BCAR3: variants seen among roughly 807,000 people sequenced by gnomAD.
The protein encoded by BCAR3 is breast cancer anti-estrogen resistance protein 3.
Under a neutral mutation model 80.1 loss-of-function variants are expected in BCAR3, and 37 were observed. The ratio of observed to expected loss-of-function variants is 0.46; its 90% confidence interval spans 0.36 to 0.61. BCAR3 has a LOEUF of 0.61. Ranked by LOEUF, BCAR3 falls within the 20% of genes least tolerant of loss-of-function variation. BCAR3 has a pLI of 0.00. For synonymous variants in BCAR3, 389 were observed against 418.9 expected (o/e 0.93, Z 0.87); for missense variants, 978 against 1,068.2 (o/e 0.92, Z 1.18).
chr1:93,655,980 C>T (rs753004684), intron 2 of BCAR3, among the ~76,000 whole-genome samples: 3 of 152,200 alleles, frequency 2.0e-5, no homozygotes, highest in Non-Finnish European at 2.9e-5. Flanking sequence ...TTTCCTTCTT[C>T]GTGCAGGACA....
chr1:93,786,723 T>C (rs1280856970), intron 2 of BCAR3, among the ~76,000 whole-genome samples: 1 of 152,174 alleles, frequency 6.6e-6, no homozygotes, highest in African/African-American at 2.4e-5. Flanking sequence ...GGTGTTTTCC[T>C]TCCAGGTTTC....
intron 3 of BCAR3, among the ~76,000 whole-genome samples, chr1:93,637,445 G>A (rs1204144784): frequency 4.6e-5 from 7 of 152,126 alleles, no homozygotes; most frequent in South Asian, 2.1e-4. Context: ...ATGAGCCATC[G>A]CACCCAGAGG....
At chr1:93,763,538 T>C (rs1331950652) in intron 2 of BCAR3, among the ~76,000 whole-genome samples, 1 of 152,216 alleles carries the variant, frequency 6.6e-6, no homozygotes, top group Non-Finnish European at 1.5e-5. Flanking sequence ...GTCATACAAC[T>C]AGTGACAGAG....
At chr1:93,830,185 G>A (rs922593101) in intron 2 of BCAR3, among the ~76,000 whole-genome samples, 3 of 152,150 alleles carry the variant, frequency 2.0e-5, no homozygotes, top group Admixed American at 6.5e-5. Flanking sequence ...CAGTTTGGCC[G>A]GGTGTGGTGG....
At chr1:93,845,499 T>TCGTGTTGTC (rs1212203497) in intron 2 of BCAR3, 1 of 11,596 alleles carries the variant, frequency 8.6e-5, no homozygotes, top group Non-Finnish European at 1.3e-4. Context: ...TATATATATA[T>TCGTGTTGTC]ATAAAACTTT....
At chr1:93,723,658 GAAC>G (rs1650484923) in intron 2 of BCAR3, 1 of 152,194 alleles carries the variant, frequency 6.6e-6, no homozygotes, top group African/African-American at 2.4e-5. Flanking sequence ...GGAGCCTCAG[GAAC>G]AACAAGACTT....
chr1:93,688,550 C>CGT (rs1344205734), intron 3 of BCAR3, among the ~76,000 whole-genome samples: 1 of 151,840 alleles, frequency 6.6e-6, no homozygotes, highest in African/African-American at 2.4e-5. Flanking sequence ...TTACAGTAAG[C>CGT]GTGTGTGTGT....
intron 3 of BCAR3, among the ~76,000 whole-genome samples, chr1:93,638,648 C>T (rs893799100): frequency 2.6e-5 from 4 of 152,048 alleles, no homozygotes; most frequent in East Asian, 3.9e-4. Flanking sequence ...CAGAGCTGTA[C>T]GCCAGGAACC....
chr1:93,821,562 A>C, intron 2 of BCAR3, among the ~76,000 whole-genome samples: 1 of 152,226 alleles, frequency 6.6e-6, no homozygotes, highest in East Asian at 1.9e-4. Context: ...TGTTAGAGCC[A>C]TTTGAAAAGT....
At chr1:93,757,898 T>A (rs1391553462) in intron 2 of BCAR3, among the ~76,000 whole-genome samples, 1 of 152,100 alleles carries the variant, frequency 6.6e-6, no homozygotes, top group African/African-American at 2.4e-5. Flanking sequence ...ACAATACCCA[T>A]GAGGGAGAGA....
intron 3 of BCAR3, among the ~76,000 whole-genome samples, chr1:93,617,788 C>T (rs547367015): frequency 5.1e-4 from 77 of 152,296 alleles, no homozygotes; most frequent in African/African-American, 1.8e-3. Flanking sequence ...TTAGCCTGGA[C>T]CTTGCCCCAC....
chr1:93,738,808 G>C (rs1330587887), intron 2 of BCAR3, among the ~76,000 whole-genome samples: 1 of 152,200 alleles, frequency 6.6e-6, no homozygotes, highest in African/African-American at 2.4e-5. Flanking sequence ...ATAAAATACA[G>C]TCTATCCAGT....
intron 2 of BCAR3, among the ~76,000 whole-genome samples, chr1:93,774,066 A>C: frequency 6.6e-6 from 1 of 152,326 alleles, no homozygotes; most frequent in South Asian, 2.1e-4. Context: ...TCGAATAACT[A>C]TCAATTGGCC....
intron 2 of BCAR3, among the ~76,000 whole-genome samples, chr1:93,728,086 T>C (rs763820888): frequency 6.6e-6 from 1 of 152,024 alleles, no homozygotes; most frequent in African/African-American, 2.4e-5. Flanking sequence ...CCAGAGGGAG[T>C]GTATCCCCAC....
At chr1:93,841,275 C>T (rs987812720) in intron 2 of BCAR3, among the ~76,000 whole-genome samples, 2 of 152,204 alleles carry the variant, frequency 1.3e-5, no homozygotes, top group African/African-American at 2.4e-5. Flanking sequence ...TGACTTTGCT[C>T]AAGATTGCAA....
Position 93,563,823 on chromosome 1 carries a change from G to A in BCAR3, c.2300-1404C>T, listed in dbSNP as rs980880501. On this transcript the variant is annotated intron_variant, in intron 11 of 11. Coordinates refer to ENST00000260502, the MANE Select transcript of BCAR3 (RefSeq NM_003567.4). ...TTCTCCTGCCTCAGCCTCCCAAGTA[G>A]CTGGGACTACAGGTGTGTGCTACCA... 9.6e-4 allele frequency among the ~76,000 whole-genome samples: 146 copies of A among 152,124 alleles called. 1 individual carries two copies. Among genetic ancestry groups the A allele is most frequent in the Admixed American group, 9.2e-3 (140 of 15,278 alleles).
At chr1:93,701,966 T>C (rs1237736349) in intron 3 of BCAR3, among the ~76,000 whole-genome samples, 1 of 152,028 alleles carries the variant, frequency 6.6e-6, no homozygotes, top group African/African-American at 2.4e-5. Flanking sequence ...GTGAGTGTAG[T>C]GGAAGAACCC....
chr1:93,805,192 AAAG>A (rs897319510), intron 2 of BCAR3, among the ~76,000 whole-genome samples: 14 of 152,236 alleles, frequency 9.2e-5, no homozygotes, highest in African/African-American at 3.4e-4. Flanking sequence ...AGCCTACAAT[AAAG>A]AAGAACATAG....
intron 3 of BCAR3, among the ~76,000 whole-genome samples, chr1:93,695,273 A>C (rs116295453): frequency 1.3e-5 from 2 of 152,234 alleles, no homozygotes; most frequent in Non-Finnish European, 2.9e-5. Context: ...ATCTTCAGAG[A>C]AACCCCACAA....
Sources: allele counts gnomAD v4.1 joint callset (sites outside exome capture counted in the v4.1 genomes callset), GRCh38; gene constraint gnomAD v4.1.1; transcripts MANE v1.5; gene names NCBI Gene and HGNC (gene_info 2026-07-23, HGNC 2026-07-21).